The following ASTN1 variants were observed in gnomAD, a reference collection of about 807,000 sequenced individuals.
The protein encoded by ASTN1 is astrotactin 1, also known as astrotactin-1.
A neutral mutation model predicts 140.7 loss-of-function variants in ASTN1; 41 were observed. The ratio of observed to expected loss-of-function variants is 0.29; its 90% CI spans 0.23 to 0.38. The LOEUF is 0.38. Among genes scored for constraint, ASTN1 ranks in the 10% least tolerant of loss-of-function variants. The probability of loss-of-function intolerance (pLI) is 1.00; values close to 1 mark genes in which losing one functional copy is unlikely to be tolerated. For missense variants in ASTN1, 1,479 were observed against 1,678.8 expected (o/e 0.88, Z 2.08); for synonymous variants, 640 against 652.2 (o/e 0.98, Z 0.29).
At chr1:176,963,792 G>A (rs765706778) in intron 9 of ASTN1, among the ~76,000 whole-genome samples, 1 of 152,168 alleles carries the variant, frequency 6.6e-6, no homozygotes, top group Non-Finnish European at 1.5e-5. Flanking sequence ...AGTCCTGGAA[G>A]ACCAGCAATA....
chr1:176,935,570 C>G (rs1310833377), intron 15 of ASTN1, among the ~76,000 whole-genome samples: 1 of 152,096 alleles, frequency 6.6e-6, no homozygotes, highest in Admixed American at 6.5e-5. Flanking sequence ...AAAACTTTAC[C>G]CTTTGTGAGT....
At chr1:176,929,337 T>C (rs1671105557) in intron 16 of ASTN1, among the ~76,000 whole-genome samples, 1 of 151,904 alleles carries the variant, frequency 6.6e-6, no homozygotes, top group Non-Finnish European at 1.5e-5. Flanking sequence ...GCAGGAGGAG[T>C]CAAAGTCATA....
In ASTN1 at chr1:176,934,232, A is replaced by G; in HGVS notation, c.2591T>C (p.Phe864Ser). The change falls in exon 16 of 23, where the codon TTT becomes TCT. Residue 864 changes from phenylalanine to serine, a missense_variant. By Grantham distance (155) the Phe-to-Ser change is radical. This residue lies in a region of ASTN1 where 746 missense variants were observed against 800.9 expected (regional missense o/e 0.93). Transcript: ENST00000361833. Reference protein sequence around the residue: ...NHYIQEAIYGFEESCSIWYPN... With the variant: ...NHYIQEAIYGSEESCSIWYPN... ...GTACCAGATAGAACAGGACTCCTCA[A>G]AGCCGTAGATAGCTTCCTGGATGTA... 6.2e-7 allele frequency: 1 copy of G among 1,614,078 alleles called. No individual in the cohort carries two copies. Among genetic ancestry groups the G allele is most frequent in the Non-Finnish European group, 8.5e-7 (1 of 1,179,968 alleles).
At chr1:176,974,387 A>T (rs942229633) in intron 8 of ASTN1, among the ~76,000 whole-genome samples, 2 of 143,952 alleles carry the variant, frequency 1.4e-5, no homozygotes, top group Non-Finnish European at 3.1e-5. Context: ...GTTGAAAAGA[A>T]TTTTTTTTTT....
At chr1:177,160,140 G>C (rs138955156) in intron 1 of ASTN1, among the ~76,000 whole-genome samples, 1 of 152,086 alleles carries the variant, frequency 6.6e-6, no homozygotes, top group Non-Finnish European at 1.5e-5. Flanking sequence ...AACTTTTAAG[G>C]CATGTAAAAT....
At chr1:176,996,144 A>C (rs1453734609) in intron 8 of ASTN1, among the ~76,000 whole-genome samples, 1 of 152,110 alleles carries the variant, frequency 6.6e-6, no homozygotes, top group African/African-American at 2.4e-5. Context: ...TTTGTTAAAA[A>C]TTATTTCATT....
intron 16 of ASTN1, among the ~76,000 whole-genome samples, chr1:176,903,277 T>TTCTCTC (rs138995649): frequency 5.3e-5 from 8 of 150,338 alleles, no homozygotes; most frequent in Non-Finnish European, 7.4e-5. Context: ...AAGTGTTTCC[T>TTCTCTC]TCTCTCTCTC....
chr1:177,090,763 A>G (rs557042445), intron 1 of ASTN1, among the ~76,000 whole-genome samples: 13 of 152,014 alleles, frequency 8.6e-5, no homozygotes, highest in Non-Finnish European at 1.3e-4. Context: ...TGTTCTACTC[A>G]TTTTTCCTTT....
At chr1:176,892,021 G>C (rs188694857) in intron 17 of ASTN1, among the ~76,000 whole-genome samples, 53 of 152,234 alleles carry the variant, frequency 3.5e-4, no homozygotes, top group African/African-American at 1.3e-3. Context: ...AACATTCTTG[G>C]GACAGAGAGT....
At chr1:177,113,611 C>T (rs911829353) in intron 1 of ASTN1, among the ~76,000 whole-genome samples, 3 of 152,096 alleles carry the variant, frequency 2.0e-5, no homozygotes, top group African/African-American at 2.4e-5. Flanking sequence ...ATTGGCACAC[C>T]CTCCTTTTTG....
In ASTN1 at chr1:176,997,890, A is replaced by T. The variant is rs577221996; in HGVS notation, c.1523+16901T>A. On this transcript the variant is annotated intron_variant, in intron 8 of 22. Coordinates refer to ENST00000361833, the MANE Select transcript of ASTN1 (RefSeq NM_004319.3). ...GGGTCTTGGAGAATGAACAGAATTA[A>T]CCAGGTAGGGTATTAAAGGGAAGGA... 2.0e-5 allele frequency among the ~76,000 whole-genome samples: 3 copies of T among 152,242 alleles called. No homozygotes were observed. The South Asian group carries it at 6.2e-4, about 32-fold the overall frequency.
intron 14 of ASTN1, among the ~76,000 whole-genome samples, chr1:176,942,843 T>A (rs1671790191): frequency 1.3e-5 from 1 of 76,480 alleles, no homozygotes; most frequent in Non-Finnish European, 2.9e-5. Flanking sequence ...TATGTATATA[T>A]ATATATATAT....
chr1:177,034,787 A>C (rs866004930), intron 2 of ASTN1, among the ~76,000 whole-genome samples: 1 of 152,234 alleles, frequency 6.6e-6, no homozygotes, highest in Non-Finnish European at 1.5e-5. Flanking sequence ...AGCCACACAG[A>C]AGGAATAACT....
chr1:176,958,290 T>G, intron 10 of ASTN1, 55 bp downstream of exon 10: 1 of 1,610,224 alleles, frequency 6.2e-7, no homozygotes, highest in Non-Finnish European at 8.5e-7. Context: ...TACAGGTAGT[T>G]TCTCATTCTG....
intron 2 of ASTN1, 99 bp from the exon 3 acceptor site, chr1:177,032,948 T>G: frequency 7.5e-7 from 1 of 1,336,840 alleles, no homozygotes; most frequent in Non-Finnish European, 1.0e-6. Flanking sequence ...CACTTATTTA[T>G]GCATTCATTC....
chr1:176,878,627 G>C (rs1394876209), intron 20 of ASTN1, among the ~76,000 whole-genome samples: 2 of 152,020 alleles, frequency 1.3e-5, no homozygotes, highest in African/African-American at 4.8e-5. Flanking sequence ...CCAGCCCCGT[G>C]TAGAACTAGC....
rs1352213201 is a variant in ASTN1 at position 176,863,849 on chromosome 1, G to A, written c.*435C>T. The A allele has an allele frequency of 1.0e-6, 1 of 999,052 alleles. No homozygotes were observed. Among genetic ancestry groups the A allele is most frequent in the Non-Finnish European group, 1.2e-6 (1 of 837,318 alleles). 61.9% of individuals were successfully genotyped at this position (999,052 alleles called of 1,614,324 possible). ...TGAGGAATGCTTGAGGGTGGGGCCT[G>A]CGGCAGGCCTAACAACTTTCTGGCC... On this transcript the variant is annotated 3_prime_UTR_variant, in exon 23 of 23. Transcript: ENST00000361833.
At chr1:177,080,748 G>A (rs752189637) in intron 1 of ASTN1, among the ~76,000 whole-genome samples, 1 of 152,146 alleles carries the variant, frequency 6.6e-6, no homozygotes. Context: ...GTAGTGAAGG[G>A]GAAAGAGAAT....
intron 1 of ASTN1, among the ~76,000 whole-genome samples, chr1:177,152,417 T>C (rs1014693932): frequency 7.9e-5 from 12 of 152,002 alleles, no homozygotes; most frequent in Non-Finnish European, 1.5e-4. Context: ...ATACAGAAAG[T>C]ATAATCCTTT....
Sources: allele counts gnomAD v4.1 joint callset (sites outside exome capture counted in the v4.1 genomes callset), GRCh38; gene constraint gnomAD v4.1.1; regional missense constraint gnomAD v4.1.1; transcripts MANE v1.5; gene names NCBI Gene and HGNC (gene_info 2026-07-23, HGNC 2026-07-21).